SMIM7: variants seen among roughly 807,000 people sequenced by gnomAD.
SMIM7 encodes the protein UPF0608 protein C19orf42.
A neutral mutation model predicts 13.3 loss-of-function variants in SMIM7; 12 were observed. The ratio of observed to expected loss-of-function variants is 0.90; its 90% CI spans 0.58 to 1.46. The LOEUF (loss-of-function observed/expected upper bound fraction) is 1.46. SMIM7 is among the 40% of genes most tolerant of loss of function. SMIM7 has a pLI of 0.00. For missense variants in SMIM7, 114 were observed against 94.8 expected, an observed-to-expected ratio of 1.20 and a Z score of -0.84; for synonymous variants, 36 against 35.8, an observed-to-expected ratio of 1.01 and a Z score of -0.02.
At chr19:16,653,308 T>C (rs2086552635) in intron 4 of SMIM7, among the ~76,000 whole-genome samples, 1 of 152,004 alleles carries the variant, frequency 6.6e-6, no homozygotes, top group Non-Finnish European at 1.5e-5. Context: ...CAGGGCCGGG[T>C]GTGGTAGCTC....
downstream of SMIM7, chr19:16,643,888 C>T (rs1321896886): frequency 6.6e-6 from 1 of 152,186 alleles, no homozygotes; most frequent in East Asian, 1.9e-4. Flanking sequence ...TAATCCAAGT[C>T]CAGCAACAAG....
intron 3 of SMIM7, chr19:16,655,297 T>A (rs920043497): frequency 7.7e-5 from 35 of 456,104 alleles, no homozygotes; most frequent in Admixed American, 9.4e-5. Flanking sequence ...ATTTAGTACG[T>A]GAAGACTCCA....
At chr19:16,636,087 G>A (rs2086359287) in intron 4 of SMIM7, 1 of 151,794 alleles carries the variant, frequency 6.6e-6, no homozygotes, top group Non-Finnish European at 1.5e-5. Context: ...GATTCTCCTG[G>A]TGGCCCCAAT....
At chr19:16,656,926 A>C (rs1207767854) in intron 3 of SMIM7, among the ~76,000 whole-genome samples, 1 of 151,950 alleles carries the variant, frequency 6.6e-6, no homozygotes, top group East Asian at 1.9e-4. Flanking sequence ...AAAAACAAAA[A>C]ACAGGCTTTC....
At chr19:16,650,255 T>TA (rs767878450) in intron 4 of SMIM7, among the ~76,000 whole-genome samples, 3 of 152,218 alleles carry the variant, frequency 2.0e-5, no homozygotes, top group Non-Finnish European at 4.4e-5. Flanking sequence ...CTGTACCACA[T>TA]ACCTATCCAT....
chr19:16,657,097 G>A (rs2086605910), intron 3 of SMIM7, among the ~76,000 whole-genome samples: 1 of 152,126 alleles, frequency 6.6e-6, no homozygotes, highest in Non-Finnish European at 1.5e-5. Flanking sequence ...AGGGGTGTCA[G>A]GCAGCTAGGA....
At chr19:16,647,352 TATTA>T (rs757390244) in intron 4 of SMIM7, 91 bp from the exon 5 acceptor site, 53 of 1,444,882 alleles carry the variant, frequency 3.7e-5, no homozygotes, top group Non-Finnish European at 5.0e-5. Flanking sequence ...GACTATTACC[TATTA>T]CTTAGATGAT....
At chr19:16,653,003 C>G (rs2086548430) in intron 4 of SMIM7, 1 of 1,547,464 alleles carries the variant, frequency 6.5e-7, no homozygotes, top group Admixed American at 2.0e-5. Flanking sequence ...ACAATAAAGT[C>G]TGAATACATT....
intron 4 of SMIM7, among the ~76,000 whole-genome samples, chr19:16,648,019 C>T (rs1396917265): frequency 6.6e-6 from 1 of 152,172 alleles, no homozygotes; most frequent in African/African-American, 2.4e-5. Flanking sequence ...AACTACAAAA[C>T]TCTTGGAAGA....
intron 4 of SMIM7, among the ~76,000 whole-genome samples, chr19:16,632,163 C>T (rs907894745): frequency 2.0e-5 from 3 of 152,134 alleles, no homozygotes; most frequent in Non-Finnish European, 2.9e-5. Context: ...CCACCACACC[C>T]GGCCGCTGGC....
Position 16,659,402 on chromosome 19 carries a change from G to A in SMIM7, c.114C>T (p.Pro38=), listed in dbSNP as rs1243060526. The A allele has an allele frequency of 6.2e-7, 1 of 1,613,694 alleles. No individual in the cohort carries two copies. Among genetic ancestry groups the A allele is most frequent in the African/African-American group, 1.3e-5 (1 of 74,970 alleles). ...TQGFGEESRE[P]STGDNIREFL... is the part of the protein sequence containing the mutation. ...GATCCAATTAGACCTTACCTGTGCT[G>A]GGCTCCCTGGACTCCTCCCCAAAGC... is the stretch of plus-strand genomic sequence containing the variant. Residue 38 remains proline, a synonymous_variant, in exon 3 of 5, where the codon CCC becomes CCT. Coordinates refer to ENST00000487416, the MANE Select transcript of SMIM7 (RefSeq NM_024104.4).
intron 4 of SMIM7, among the ~76,000 whole-genome samples, chr19:16,633,547 CGT>C (rs1192783393): frequency 6.6e-6 from 1 of 150,632 alleles, no homozygotes; most frequent in Non-Finnish European, 1.5e-5. Flanking sequence ...TAAGTGTGTG[CGT>C]GTGTGTGTGA....
chr19:16,641,817 A>G (rs1195336225), downstream of SMIM7, among the ~76,000 whole-genome samples: 1 of 152,106 alleles, frequency 6.6e-6, no homozygotes, highest in Admixed American at 6.6e-5. Context: ...CAGGCTAATA[A>G]GGGATCGCCT....
intron 4 of SMIM7, chr19:16,653,617 C>T (rs909710323): frequency 2.2e-5 from 4 of 180,482 alleles, no homozygotes; most frequent in East Asian, 1.6e-4. Flanking sequence ...AAAACAGGGC[C>T]GTGCACAGTG....
chr19:16,654,273 T>C, intron 3 of SMIM7, 148 bp from the exon 4 acceptor site: 1 of 658,908 alleles, frequency 1.5e-6, no homozygotes, highest in Non-Finnish European at 2.7e-6. Flanking sequence ...GGTTTCTCCC[T>C]CTTCCCTACC....
At chr19:16,638,301 CTTTTTT>C (rs375558591) in intron 4 of SMIM7, among the ~76,000 whole-genome samples, 10 of 122,768 alleles carry the variant, frequency 8.1e-5, no homozygotes, top group South Asian at 7.8e-4. Flanking sequence ...TTTCTTTTTT[CTTTTTT>C]TTTTTTTTTT....
intron 3 of SMIM7, 58 bp downstream of exon 3, chr19:16,659,337 G>A (rs2086640035): frequency 1.5e-6 from 2 of 1,375,738 alleles, no homozygotes; most frequent in East Asian, 2.3e-5. Flanking sequence ...AGGGCTTGGC[G>A]AAACAGAACT....
intron 4 of SMIM7, 21 bp from the exon 5 acceptor site, chr19:16,647,282 A>G (rs770994096): frequency 1.2e-6 from 2 of 1,613,906 alleles, no homozygotes; most frequent in Non-Finnish European, 1.7e-6. Flanking sequence ...CAGAGGGCAG[A>G]AATGTCTGTG....
intron 2 of SMIM7, 154 bp downstream of exon 2, chr19:16,659,805 G>A (rs886935020): frequency 1.3e-5 from 13 of 966,672 alleles, no homozygotes; most frequent in Admixed American, 6.5e-5. Context: ...GGGGGGCGAG[G>A]AAGATAAACC....
Sources: gnomAD v4.1 joint callset for allele counts (sites outside exome capture counted in the v4.1 genomes callset) on GRCh38, gnomAD v4.1.1 for gene constraint, MANE v1.5 for transcripts, NCBI Gene and HGNC (gene_info 2026-07-23, HGNC 2026-07-21) for gene names.